Variants in PHLPP2 observed in about 807,000 individuals in gnomAD.
PHLPP2 encodes the protein PH domain and leucine rich repeat protein phosphatase 2.
PHLPP2 carries 66 observed loss-of-function variants against 124.9 expected under a neutral mutation model. That is an observed-to-expected ratio of 0.53 (90% CI 0.43 to 0.65). The LOEUF is 0.65. PHLPP2 is among the 30% of genes least tolerant of loss of function. PHLPP2 has a pLI of 0.00. For missense variants in PHLPP2, 1,685 were observed against 1,600.4 expected (o/e 1.05, Z -0.90); for synonymous variants, 681 against 624.7 (o/e 1.09, Z -1.34).
intron 15 of PHLPP2, among the ~76,000 whole-genome samples, chr16:71,657,392 CTTT>C (rs983609014): frequency 7.1e-6 from 1 of 141,236 alleles, no homozygotes; most frequent in African/African-American, 2.6e-5. Flanking sequence ...ATAATATTAT[CTTT>C]TTTTTTTTCT....
chr16:71,677,234 T>C (rs1326047624), intron 8 of PHLPP2: 1 of 155,834 alleles, frequency 6.4e-6, no homozygotes, highest in East Asian at 1.9e-4. Context: ...TAAACACTTA[T>C]ATCCAAATAC....
intron 13 of PHLPP2, 146 bp downstream of exon 13, chr16:71,663,753 G>C: frequency 1.5e-6 from 1 of 667,746 alleles, no homozygotes; most frequent in Non-Finnish European, 2.6e-6. Context: ...ATTAAGATGA[G>C]ATTTTGCCAC....
At chr16:71,698,546 AC>A in intron 3 of PHLPP2, 1 of 678,140 alleles carries the variant, frequency 1.5e-6, no homozygotes, top group Non-Finnish European at 2.7e-6. Context: ...AAAGTCAGAG[AC>A]ATGAACATCC....
chr16:71,663,877 T>C, intron 13 of PHLPP2, 22 bp downstream of exon 13: 1 of 1,567,102 alleles, frequency 6.4e-7, no homozygotes, highest in Non-Finnish European at 8.8e-7. Context: ...TTTGAAATGA[T>C]CAAAGTTTGC....
chr16:71,648,528 G>C lies in PHLPP2; in HGVS notation c.*362C>G, dbSNP rs866860107. ...CTGAGGCCTGTAATCACAGCACTTTGGGAGGCAGAGGAGGGTGGATCACCT... is the reference window on the plus strand; with the variant it reads ...CTGAGGCCTGTAATCACAGCACTTTCGGAGGCAGAGGAGGGTGGATCACCT... On this transcript the variant is annotated 3_prime_UTR_variant, in exon 19 of 19. Coordinates refer to ENST00000568954, the MANE Select transcript of PHLPP2 (RefSeq NM_015020.3). 1 of 227,826 alleles carries C rather than the reference G, an allele frequency of 4.4e-6. No individual in the cohort carries two copies. Among genetic ancestry groups the C allele is most frequent in the Non-Finnish European group, 8.8e-6 (1 of 114,086 alleles). The allele number at this position is 227,826 out of a possible 1,614,324, so 14.1% of individuals were successfully genotyped here.
chr16:71,717,977 G>A (rs986448698), intron 1 of PHLPP2, among the ~76,000 whole-genome samples: 1 of 152,092 alleles, frequency 6.6e-6, no homozygotes, highest in African/African-American at 2.4e-5. Context: ...CGGCAGCTTC[G>A]AACTCCTGAC....
At chr16:71,692,838 A>T (rs28582831) in intron 3 of PHLPP2, among the ~76,000 whole-genome samples, 52,573 of 151,254 alleles carry the variant, frequency 0.35, 9,920 homozygotes, top group East Asian at 0.76. Flanking sequence ...TTATTTTTTT[A>T]AAATATTTTT....
rs1000591138 is a variant in PHLPP2, at chr16:71,646,252, C to G, written c.*2638G>C. On this transcript the variant is annotated 3_prime_UTR_variant, in exon 19 of 19. Transcript: ENST00000568954. ...TATATTTTTCATAATGGGCTATGGC[C>G]TTTTTACCCTGTTTTAATACAGAGC... 1.3e-5 allele frequency: 2 copies of G among 152,264 alleles called. No individual in the cohort carries two copies. Among genetic ancestry groups the G allele is most frequent in the African/African-American group, 4.8e-5 (2 of 41,424 alleles). The allele number at this position is 152,264 out of a possible 1,614,324, so 9.4% of individuals were successfully genotyped here.
In PHLPP2 at chr16:71,649,594, T is replaced by A. The variant is rs1437611375; in HGVS notation, c.3268A>T (p.Ser1090Cys). Reference protein sequence around the residue: ...FSSEMSTSEVSSEVGSTASDE... With the variant: ...FSSEMSTSEVCSEVGSTASDE... ...GAAGCAGTGGACCCCACTTCACTGC[T>A]CACCTCTGAGGTGGACATCTCACTG... Residue 1090 changes from serine to cysteine, a missense_variant, in exon 19 of 19, where the codon AGC becomes TGC. Ser to Cys is a moderately radical substitution (Grantham distance 112). Transcript: ENST00000568954. 1.2e-6 allele frequency: 2 copies of A among 1,614,158 alleles called. No homozygotes were observed. Among genetic ancestry groups the A allele is most frequent in the African/African-American group, 2.7e-5 (2 of 75,030 alleles).
chr16:71,660,302 G>T (rs760710883), intron 13 of PHLPP2, among the ~76,000 whole-genome samples: 4 of 145,154 alleles, frequency 2.8e-5, no homozygotes, highest in Admixed American at 7.1e-5. Context: ...CTTGAGCCCA[G>T]GAGTTTGAGG....
At chr16:71,722,010 G>C (rs888579860) in intron 1 of PHLPP2, among the ~76,000 whole-genome samples, 2 of 152,162 alleles carry the variant, frequency 1.3e-5, no homozygotes, top group African/African-American at 2.4e-5. Context: ...TTACAAAAAA[G>C]AATGAAGTTT....
intron 5 of PHLPP2, among the ~76,000 whole-genome samples, chr16:71,683,807 T>G (rs1490183835): frequency 1.3e-5 from 2 of 152,200 alleles, no homozygotes; most frequent in African/African-American, 4.8e-5. Flanking sequence ...TGTTTTTTTT[T>G]CAGACGGACT....
At chr16:71,654,667 C>T (rs2044727169) in intron 17 of PHLPP2, among the ~76,000 whole-genome samples, 1 of 152,138 alleles carries the variant, frequency 6.6e-6, no homozygotes. Context: ...CCATGATGTT[C>T]GTTAGGTTAG....
intron 8 of PHLPP2, chr16:71,677,876 C>T (rs991155826): frequency 6.6e-5 from 10 of 152,218 alleles, no homozygotes; most frequent in Non-Finnish European, 1.0e-4. Context: ...CTACAAACTA[C>T]TAATATACAT....
intron 3 of PHLPP2, 122 bp downstream of exon 3, chr16:71,702,476 G>T: frequency 1.4e-6 from 1 of 713,048 alleles, no homozygotes; most frequent in Non-Finnish European, 2.3e-6. Context: ...TGTTAACTAC[G>T]TTAGTTAATT....
rs551658939 is a variant in PHLPP2 at position 71,720,115 on chromosome 16, G to A, written c.-7+4214C>T. Among the ~76,000 whole-genome samples the A allele has an allele frequency of 3.6e-4, 54 of 151,438 alleles. 1 individual carries two copies. In the East Asian group the frequency reaches 0.01, roughly 28 times the overall value. ...CTCCCGAGTAGCTGGGACTACAGGCGCCCACCACCTCGCCTGGCTAATTTT... is the reference window on the plus strand; with the variant it reads ...CTCCCGAGTAGCTGGGACTACAGGCACCCACCACCTCGCCTGGCTAATTTT... On this transcript the variant is annotated intron_variant, in intron 1 of 18. Coordinates refer to ENST00000568954, the MANE Select transcript of PHLPP2 (RefSeq NM_015020.3).
chr16:71,707,642 C>T (rs189568635), intron 2 of PHLPP2, among the ~76,000 whole-genome samples: 57 of 152,234 alleles, frequency 3.7e-4, no homozygotes, highest in Non-Finnish European at 7.4e-4. Flanking sequence ...ATGAACTGTT[C>T]GATATGGTAG....
In PHLPP2 at chr16:71,679,419, T is replaced by C; in HGVS notation, c.1007A>G (p.Asp336Gly). The C allele has an allele frequency of 1.2e-6, 2 of 1,613,948 alleles. No homozygotes were observed. The highest frequency in any genetic ancestry group is 1.7e-6 in the Non-Finnish European group (2 of 1,179,878). ...ELNLSCNGFH[D>G]LPSQIGNLLN... ...CAGATTGCCAATTTGACTTGGTAGG[T>C]CATGAAATCCATTACAGGAAAGGTT... The change falls in exon 7 of 19, where the codon GAC becomes GGC. Residue 336 changes from aspartate (D) to glycine (G), a missense_variant. By Grantham distance (94) the Asp-to-Gly change is moderately conservative. Transcript: ENST00000568954.
intron 2 of PHLPP2, among the ~76,000 whole-genome samples, chr16:71,714,229 T>C (rs2045342564): frequency 6.6e-6 from 1 of 152,208 alleles, no homozygotes; most frequent in African/African-American, 2.4e-5. Context: ...CATAAGCCAC[T>C]GTGCCCAGCC....
Sources: allele counts gnomAD v4.1 joint callset (sites outside exome capture counted in the v4.1 genomes callset), GRCh38; gene constraint gnomAD v4.1.1; transcripts MANE v1.5; gene names NCBI Gene and HGNC (gene_info 2026-07-23, HGNC 2026-07-21).